Variants in PRELID2 observed in about 807,000 individuals in gnomAD.
PRELID2 encodes the protein PRELI domain-containing protein 2.
In PRELID2, 25 loss-of-function variants were observed where a neutral mutation model predicts 28.4. The observed-to-expected ratio is 0.88, with a 90% CI of 0.64 to 1.23. PRELID2 has a LOEUF of 1.23. Ranked by LOEUF, PRELID2 falls within the 50% of genes most tolerant of loss-of-function variation. The pLI is 0.00. For missense variants in PRELID2, 201 were observed against 214.4 expected (o/e 0.94, Z 0.39); for synonymous variants, 76 against 71.6 (o/e 1.06, Z -0.31).
At chr5:145,501,004 C>A (rs1752355855) in intron 1 of PRELID2, among the ~76,000 whole-genome samples, 1 of 152,154 alleles carries the variant, frequency 6.6e-6, no homozygotes. Flanking sequence ...AGCTGCAGTG[C>A]AAAGTGCTTT....
At chr5:145,824,354 G>C (rs1230029032) in intron 1 of PRELID2, among the ~76,000 whole-genome samples, 1 of 151,778 alleles carries the variant, frequency 6.6e-6, no homozygotes, top group African/African-American at 2.4e-5. Flanking sequence ...TTGCAAACTT[G>C]AGCTTTAAGT....
At chr5:145,817,220 A>ATATATATATATATATAT (rs1265574987) in intron 4 of PRELID2, among the ~76,000 whole-genome samples, 2 of 66,508 alleles carry the variant, frequency 3.0e-5, no homozygotes, top group African/African-American at 8.1e-5. Context: ...AATAAAAAAA[A>ATATATATATATATATAT]ATATATATAT....
intron 1 of PRELID2, chr5:145,728,588 C>T: frequency 1.1e-6 from 1 of 902,594 alleles, no homozygotes; most frequent in Non-Finnish European, 1.8e-6. Context: ...TGGCAATTAA[C>T]ACATTTAGCA....
At chr5:145,649,509 A>G (rs939293658) in intron 1 of PRELID2, among the ~76,000 whole-genome samples, 1 of 152,146 alleles carries the variant, frequency 6.6e-6, no homozygotes, top group Non-Finnish European at 1.5e-5. Flanking sequence ...TTTTTAATTT[A>G]TGATATTTTT....
the PRELID2 span, among the ~76,000 whole-genome samples, chr5:145,348,472 C>T: frequency 6.6e-6 from 1 of 152,046 alleles, no homozygotes; most frequent in African/African-American, 2.4e-5. Flanking sequence ...ATTTCTCCCA[C>T]CCCCAGTAGC....
the PRELID2 span, among the ~76,000 whole-genome samples, chr5:145,252,494 G>T: frequency 1.3e-5 from 2 of 151,824 alleles, no homozygotes; most frequent in Admixed American, 6.6e-5. Flanking sequence ...TTTATTGAGA[G>T]GATTAAATTA....
chr5:145,243,320 G>A, the PRELID2 span, among the ~76,000 whole-genome samples: 11 of 151,902 alleles, frequency 7.2e-5, no homozygotes, highest in Admixed American at 2.6e-4. Context: ...TTTCACCCCA[G>A]AAGACTCAAA....
chr5:145,734,864 A>G (rs567291566), intron 1 of PRELID2, among the ~76,000 whole-genome samples: 1 of 152,336 alleles, frequency 6.6e-6, no homozygotes, highest in South Asian at 2.1e-4. Context: ...ACTATGATCC[A>G]CTAATGTGAA....
chr5:145,393,529 G>GACAGAAAAGGGAAAGCAAACT, the PRELID2 span, among the ~76,000 whole-genome samples: 1 of 152,190 alleles, frequency 6.6e-6, no homozygotes, highest in African/African-American at 2.4e-5. Context: ...AACATTTATG[G>GACAGAAAAGGGAAAGCAAACT]ACAGAAAAGG....
chr5:145,465,054 T>C, the PRELID2 span, among the ~76,000 whole-genome samples: 2 of 152,000 alleles, frequency 1.3e-5, no homozygotes, highest in African/African-American at 4.8e-5. Context: ...TATATATAAA[T>C]ATGTCACTGT....
chr5:145,516,210 T>G (rs994696622), intron 1 of PRELID2, among the ~76,000 whole-genome samples: 1 of 152,192 alleles, frequency 6.6e-6, no homozygotes, highest in Non-Finnish European at 1.5e-5. Context: ...TGTCTCTGCT[T>G]GCAGATGACA....
the PRELID2 span, among the ~76,000 whole-genome samples, chr5:145,406,772 A>T: frequency 6.6e-6 from 1 of 152,232 alleles, no homozygotes; most frequent in East Asian, 1.9e-4. Flanking sequence ...GAGGGGGTAA[A>T]GTCTGCCTCT....
chr5:145,489,453 A>G (rs748966527), intron 1 of PRELID2, among the ~76,000 whole-genome samples: 5 of 152,184 alleles, frequency 3.3e-5, no homozygotes, highest in African/African-American at 4.8e-5. Flanking sequence ...CAACTTAAAT[A>G]GTTGGGTACT....
At chr5:145,747,878 C>T (rs1222683063) in intron 1 of PRELID2, among the ~76,000 whole-genome samples, 1 of 152,154 alleles carries the variant, frequency 6.6e-6, no homozygotes, top group Non-Finnish European at 1.5e-5. Context: ...AAACAAAATC[C>T]ATCACATAAA....
At chr5:145,756,218 C>T (rs1009072239), downstream of PRELID2, among the ~76,000 whole-genome samples, 2 of 152,134 alleles carry the variant, frequency 1.3e-5, no homozygotes, top group Non-Finnish European at 2.9e-5. Flanking sequence ...GAGCTAACAT[C>T]GTATGGTCAG....
chr5:145,812,935 A>G (rs552827301), intron 4 of PRELID2, among the ~76,000 whole-genome samples: 22 of 152,368 alleles, frequency 1.4e-4, no homozygotes. Flanking sequence ...GGAAAGCCCA[A>G]TGTAGTTCTC....
chr5:145,562,971 G>A (rs113573749), intron 1 of PRELID2, among the ~76,000 whole-genome samples: 1 of 152,158 alleles, frequency 6.6e-6, no homozygotes, highest in African/African-American at 2.4e-5. Context: ...GCCCAAAAGA[G>A]CATTCATGGA....
chr5:145,578,174 A>G (rs1012432589), intron 1 of PRELID2, among the ~76,000 whole-genome samples: 2 of 152,146 alleles, frequency 1.3e-5, no homozygotes, highest in Admixed American at 1.3e-4. Context: ...CGAGGAAGAT[A>G]TCTCCCATCT....
chr5:145,765,162 C>T (rs1757671267), intron 5 of PRELID2, among the ~76,000 whole-genome samples, 162 bp from the exon 6 acceptor site: 1 of 152,160 alleles, frequency 6.6e-6, no homozygotes, highest in African/African-American at 2.4e-5. Context: ...ATATTTTACT[C>T]AGCAATTTCA....
Sources: allele counts gnomAD v4.1 joint callset (sites outside exome capture counted in the v4.1 genomes callset), GRCh38; gene constraint gnomAD v4.1.1; transcripts MANE v1.5; gene names NCBI Gene and HGNC (gene_info 2026-07-23, HGNC 2026-07-21).